The following AP4B1 variants were observed in gnomAD, a reference collection of about 807,000 sequenced individuals.
AP4B1 encodes AP-4 complex subunit beta-1.
A neutral mutation model predicts 76.5 loss-of-function variants in AP4B1; 49 were observed. The observed-to-expected ratio is 0.64, with a 90% confidence interval of 0.51 to 0.81. The LOEUF is 0.81. Among genes scored for constraint, AP4B1 ranks in the 40% least tolerant of loss-of-function variants. The pLI, the probability that AP4B1 is intolerant of heterozygous loss-of-function variation, is 0.00. For synonymous variants in AP4B1, 330 were observed against 333.3 expected (o/e 0.99, Z 0.11); for missense variants, 911 against 904.9 (o/e 1.01, Z -0.09).
Position 113,894,533 on chromosome 1 carries a change from G to A in AP4B1, c.*532C>T, listed in dbSNP as rs896916184. ...TAACACAGAGGTGAAAGAAGCAGGT[G>A]TATAAAGGGAACTGCAATGCAAATG... On this transcript the variant is annotated 3_prime_UTR_variant, in exon 10 of 10. Coordinates refer to ENST00000369569, the MANE Select transcript of AP4B1 (RefSeq NM_001253852.3). Among the ~76,000 whole-genome samples, 5 of 152,224 alleles carry A rather than the reference G, an allele frequency of 3.3e-5. No homozygotes were observed. Among genetic ancestry groups the A allele is most frequent in the African/African-American group, 1.2e-4 (5 of 41,450 alleles).
Position 113,902,655 on chromosome 1 carries a change from C to A in AP4B1, c.321G>T (p.Arg107=). 1 of 1,613,216 alleles carries A rather than the reference C, an allele frequency of 6.2e-7. No homozygotes were observed. The highest frequency in any genetic ancestry group is 1.1e-5 in the South Asian group (1 of 91,016). ...GTACTCACCTGAGGCTACACATGCT[C>A]CGTAACGCCAGCCCTCGCACCATTG... ...PNPMVRGLAL[R]SMCSLRMPGV... The change falls in exon 2 of 10, where the codon CGG becomes CGT. Residue 107 remains arginine (R), a synonymous_variant. Transcript: ENST00000369569.
In AP4B1 at chr1:113,900,260, A is replaced by G; in HGVS notation, c.758T>C (p.Met253Thr). The G allele has an allele frequency of 6.2e-7, 1 of 1,607,446 alleles. No homozygotes were observed. Among genetic ancestry groups the G allele is most frequent in the Non-Finnish European group, 8.5e-7 (1 of 1,175,728 alleles). ...GATCAGAAAAAGTTTGGTAGCTCCC[A>G]TCACCACACCTGGGCTACTGCTCTT... is the stretch of plus-strand genomic sequence containing the variant. ...FLKSSSPGVVMGATKLFLILA... is the reference protein window; with the variant it reads ...FLKSSSPGVVTGATKLFLILA... The change falls in exon 5 of 10, where the codon ATG (methionine) becomes ACG (threonine). Residue 253 changes from methionine to threonine, a missense_variant. Physicochemically the swap from Met to Thr is moderately conservative, Grantham distance 81. Coordinates refer to ENST00000369569, the MANE Select transcript of AP4B1 (RefSeq NM_001253852.3).
At position 113,897,727 on chromosome 1, in the gene AP4B1, C is replaced by T. The variant is rs1286519497; in HGVS notation, c.1302+113G>A. The T allele has an allele frequency of 9.8e-6, 11 of 1,119,416 alleles. No individual in the cohort carries two copies. The African/African-American group carries it at 1.1e-4, about 11-fold the overall frequency. The allele number at this position is 1,119,416 out of a possible 1,614,324, so 69.3% of individuals were successfully genotyped here. On this transcript the variant is annotated intron_variant, in intron 7 of 9. Coordinates refer to ENST00000369569, the MANE Select transcript of AP4B1 (RefSeq NM_001253852.3). The stretch of plus-strand genomic sequence containing the variant: ...AGAGAATCTAAGGTGGCAATCAATT[C>T]GAAGAGTGCCCACTTCAAACACAGG...
At chr1:113,895,517 G>A in intron 9 of AP4B1, 25 bp from the exon 10 acceptor site, 1 of 1,613,464 alleles carries the variant, frequency 6.2e-7, no homozygotes, top group Non-Finnish European at 8.5e-7. Flanking sequence ...AAACTTGTGT[G>A]AAAGATGTTC....
upstream of AP4B1, chr1:113,904,828 A>G (rs1432313366): frequency 1.0e-6 from 1 of 971,352 alleles, no homozygotes; most frequent in Non-Finnish European, 1.6e-6. Flanking sequence ...TGAAAATACA[A>G]AAGGCGAGAT....
At chr1:113,903,888 G>C (rs767329066) in intron 1 of AP4B1, among the ~76,000 whole-genome samples, 1 of 152,156 alleles carries the variant, frequency 6.6e-6, no homozygotes, top group Non-Finnish European at 1.5e-5. Flanking sequence ...ACTGAAATCA[G>C]AATCAGTCCC....
At chr1:113,901,083 GACA>G (rs1342830558) in intron 4 of AP4B1, 150 bp downstream of exon 4, 5 of 1,126,896 alleles carry the variant, frequency 4.4e-6, no homozygotes, top group African/African-American at 3.1e-5. Flanking sequence ...CTCCAGCTTA[GACA>G]ACAAGAGCAA....
At chr1:113,899,711 T>C (rs1667960396) in intron 5 of AP4B1, 193 bp downstream of exon 5, 1 of 838,468 alleles carries the variant, frequency 1.2e-6, no homozygotes, top group Admixed American at 2.6e-5. Context: ...AACACCAATC[T>C]TGACCAAAAA....
rs1668444912 is a variant in AP4B1 at position 113,902,764 on chromosome 1, T to C, written c.212A>G (p.Tyr71Cys). 6 of 1,614,210 alleles carry C rather than the reference T, an allele frequency of 3.7e-6. No individual in the cohort carries two copies. Among genetic ancestry groups the C allele is most frequent in the South Asian group, 1.1e-5 (1 of 91,090 alleles). Reference sequence around the variant, plus strand: ...TTTCAGGGGAGCATATGTGCACATGTACAGATAAACCAACTTCTTCTGGAC... The same window carrying C: ...TTTCAGGGGAGCATATGTGCACATGCACAGATAAACCAACTTCTTCTGGAC... ...DIVQKKLVYL[Y>C]MCTYAPLKPD... The change falls in exon 2 of 10, where the codon TAC (tyrosine) becomes TGC (cysteine). Residue 71 changes from tyrosine (Y) to cysteine (C), a missense_variant. Coordinates refer to ENST00000369569, the MANE Select transcript of AP4B1 (RefSeq NM_001253852.3).
rs1263251324 is a variant in AP4B1 at position 113,895,038 on chromosome 1, T to C, written c.*27A>G. On this transcript the variant is annotated 3_prime_UTR_variant, in exon 10 of 10. Coordinates refer to ENST00000369569, the MANE Select transcript of AP4B1 (RefSeq NM_001253852.3). ...TAAGAAAGTGTAATAGTTATTCATC[T>C]TACTCTAGACAAGCAACAAGACTCT... 6.2e-7 allele frequency: 1 copy of C among 1,604,880 alleles called. No individual in the cohort carries two copies. The highest frequency in any genetic ancestry group is 1.7e-5 in the Admixed American group (1 of 59,098).
At chr1:113,899,433 G>T in intron 5 of AP4B1, 1 of 811,700 alleles carries the variant, frequency 1.2e-6, no homozygotes, top group Non-Finnish European at 1.5e-6. Context: ...ATAAATGACT[G>T]GTGGATTAAC....
rs753402898 is a variant in AP4B1 at position 113,901,348 on chromosome 1, G to T, written c.505C>A (p.Arg169Ser). Residue 169 changes from arginine to serine, a missense_variant, in exon 4 of 10, where the codon CGT (arginine) becomes AGT (serine). Arg to Ser is a moderately radical substitution (Grantham distance 110). Coordinates refer to ENST00000369569, the MANE Select transcript of AP4B1 (RefSeq NM_001253852.3). ...ACAACTACAATTGGATCCTGGTCAC[G>T]CAGCAAACTGTATAATTCATTTACC... ...ALVNELYSLLRDQDPIVVVNC... is the reference protein window; with the variant it reads ...ALVNELYSLLSDQDPIVVVNC... The T allele has an allele frequency of 6.8e-6, 11 of 1,613,866 alleles. No homozygotes were observed. Among genetic ancestry groups the T allele is most frequent in the Admixed American group, 1.7e-5 (1 of 59,982 alleles).
At chr1:113,900,923 C>T (rs768259779) in intron 4 of AP4B1, 213 of 354,694 alleles carry the variant, frequency 6.0e-4, no homozygotes, top group Non-Finnish European at 9.2e-4. Context: ...GCCTGACCAA[C>T]ATGGTGAAAC....
Position 113,902,005 on chromosome 1 carries a change from C to T in AP4B1, c.339-120G>A. 4 of 1,279,440 alleles carry T rather than the reference C, an allele frequency of 3.1e-6. No individual in the cohort carries two copies. In the East Asian group the frequency reaches 7.1e-5, roughly 23 times the overall value. The allele number at this position is 1,279,440 out of a possible 1,614,324, so 79.3% of individuals were successfully genotyped here. Reference sequence around the variant, plus strand: ...GCACCCATCAGATCATGAAGAATTGCAGAAAGCCTCTATCAAGCTTAAAAA... The same window carrying T: ...GCACCCATCAGATCATGAAGAATTGTAGAAAGCCTCTATCAAGCTTAAAAA... On this transcript the variant is annotated intron_variant, in intron 2 of 9. Transcript: ENST00000369569.
chr1:113,898,388 G>A (rs1667754804), intron 6 of AP4B1, among the ~76,000 whole-genome samples: 2 of 152,162 alleles, frequency 1.3e-5, no homozygotes, highest in Admixed American at 1.3e-4. Context: ...TAGGCATCTT[G>A]CTTGACTTAC....
At chr1:113,897,686 G>T in intron 7 of AP4B1, 154 bp downstream of exon 7, 1 of 732,912 alleles carries the variant, frequency 1.4e-6, no homozygotes, top group Non-Finnish European at 2.3e-6. Flanking sequence ...TAATTTATAT[G>T]CCATCTATAT....
At chr1:113,904,291 G>A (rs1476438825) in intron 1 of AP4B1, among the ~76,000 whole-genome samples, 2 of 152,252 alleles carry the variant, frequency 1.3e-5, no homozygotes, top group South Asian at 2.1e-4. Context: ...GATAAACCAC[G>A]CACGTGGAAA....
intron 1 of AP4B1, 46 bp downstream of exon 1, chr1:113,904,559 G>C: frequency 6.4e-7 from 1 of 1,561,920 alleles, no homozygotes; most frequent in South Asian, 1.1e-5. Context: ...GCCCTGATGG[G>C]GATTGCAAAG....
chr1:113,904,534 G>C, intron 1 of AP4B1, 71 bp downstream of exon 1: 3 of 1,408,484 alleles, frequency 2.1e-6, no homozygotes, highest in Non-Finnish European at 3.0e-6. Flanking sequence ...CTTTCAGAGA[G>C]ACTGGGGCTA....
Sources: allele counts gnomAD v4.1 joint callset (sites outside exome capture counted in the v4.1 genomes callset), GRCh38; gene constraint gnomAD v4.1.1; transcripts MANE v1.5; gene names NCBI Gene and HGNC (gene_info 2026-07-23, HGNC 2026-07-21).